The following GRID2 variants were observed in gnomAD, a reference collection of about 807,000 sequenced individuals.
GRID2 encodes the protein glutamate ionotropic receptor delta type subunit 2.
Under a neutral mutation model 114.8 loss-of-function variants are expected in GRID2, and 33 were observed. The observed-to-expected ratio is 0.29, with a 90% CI of 0.22 to 0.38. The LOEUF (loss-of-function observed/expected upper bound fraction) is 0.38, where lower values mean the gene tolerates loss of function less well. Ranked by LOEUF, GRID2 falls within the 10% of genes least tolerant of loss-of-function variation. GRID2 has a pLI of 1.00. For missense variants in GRID2, 1,184 were observed against 1,257.7 expected (o/e 0.94, Z 0.89); for synonymous variants, 505 against 449.9 (o/e 1.12, Z -1.55).
chr4:92,587,696 C>A (rs1049108659), intron 1 of GRID2, among the ~76,000 whole-genome samples: 2 of 152,104 alleles, frequency 1.3e-5, no homozygotes, highest in African/African-American at 2.4e-5. Flanking sequence ...TGAACTGTTT[C>A]TTTTATCCAT....
chr4:92,340,863 A>G (rs1360594575), intron 1 of GRID2, among the ~76,000 whole-genome samples: 1 of 152,148 alleles, frequency 6.6e-6, no homozygotes, highest in East Asian at 1.9e-4. Context: ...TTAAAATGGG[A>G]ACTTCTCTGT....
intron 2 of GRID2, among the ~76,000 whole-genome samples, chr4:93,027,905 ATAT>A (rs984431078): frequency 6.6e-6 from 1 of 152,076 alleles, no homozygotes; most frequent in Non-Finnish European, 1.5e-5. Flanking sequence ...ATAATCTAAA[ATAT>A]TATTTTATTG....
intron 2 of GRID2, among the ~76,000 whole-genome samples, chr4:92,756,429 T>G (rs2149342324): frequency 6.6e-6 from 1 of 152,274 alleles, no homozygotes; most frequent in African/African-American, 2.4e-5. Flanking sequence ...TTTGATACAT[T>G]GATTCTCTGT....
intron 9 of GRID2, among the ~76,000 whole-genome samples, chr4:93,412,757 C>A (rs1020453164): frequency 6.6e-6 from 1 of 151,996 alleles, no homozygotes. Flanking sequence ...TTGCCTACCC[C>A]ACTAACAGGC....
chr4:92,800,487 C>A (rs1363345729), intron 2 of GRID2, among the ~76,000 whole-genome samples: 1 of 151,820 alleles, frequency 6.6e-6, no homozygotes, highest in African/African-American at 2.4e-5. Context: ...AATAAAATAG[C>A]ACATATATCA....
At chr4:92,952,493 A>G (rs995110189) in intron 2 of GRID2, among the ~76,000 whole-genome samples, 1 of 152,136 alleles carries the variant, frequency 6.6e-6, no homozygotes, top group African/African-American at 2.4e-5. Flanking sequence ...AATATTTCAT[A>G]TTTTGTGCTT....
At chr4:92,412,353 G>A (rs916813775) in intron 1 of GRID2, among the ~76,000 whole-genome samples, 1 of 151,574 alleles carries the variant, frequency 6.6e-6, no homozygotes, top group Non-Finnish European at 1.5e-5. Context: ...TTACTTCTTT[G>A]CAATACACAT....
chr4:93,566,651 T>A (rs1735451934), intron 13 of GRID2, among the ~76,000 whole-genome samples: 1 of 151,996 alleles, frequency 6.6e-6, no homozygotes. Flanking sequence ...GCAGCTATAA[T>A]CCTAGCTACT....
intron 2 of GRID2, among the ~76,000 whole-genome samples, chr4:93,023,338 A>G (rs1723575710): frequency 6.6e-6 from 1 of 151,994 alleles, no homozygotes; most frequent in African/African-American, 2.4e-5. Context: ...TTTCAAGAAA[A>G]AAATATCATA....
chr4:93,383,618 T>C (rs1333034347), intron 8 of GRID2, among the ~76,000 whole-genome samples: 1 of 152,104 alleles, frequency 6.6e-6, no homozygotes, highest in African/African-American at 2.4e-5. Context: ...TTTCTAATCT[T>C]GTTTCTCTCC....
chr4:93,750,159 T>G (rs1047871077), intron 14 of GRID2, among the ~76,000 whole-genome samples: 1 of 152,206 alleles, frequency 6.6e-6, no homozygotes, highest in Admixed American at 6.5e-5. Context: ...CACCATTACC[T>G]GGCCTAAGGA....
intron 5 of GRID2, among the ~76,000 whole-genome samples, chr4:93,208,732 A>G (rs1295284805): frequency 6.6e-6 from 1 of 151,978 alleles, no homozygotes; most frequent in African/African-American, 2.4e-5. Flanking sequence ...TCTGCCAAAC[A>G]TTAGGTTTCT....
At chr4:92,437,717 A>G (rs1732805037) in intron 1 of GRID2, among the ~76,000 whole-genome samples, 1 of 152,260 alleles carries the variant, frequency 6.6e-6, no homozygotes, top group African/African-American at 2.4e-5. Context: ...TTACTCAGAC[A>G]TGAAAACACA....
At chr4:93,236,346 C>G (rs1717394941) in intron 7 of GRID2, among the ~76,000 whole-genome samples, 1 of 151,920 alleles carries the variant, frequency 6.6e-6, no homozygotes, top group Non-Finnish European at 1.5e-5. Context: ...TGCATGGCTC[C>G]CCAGGTTCTT....
chr4:92,585,500 G>A (rs1198082585), intron 1 of GRID2, among the ~76,000 whole-genome samples: 1 of 151,960 alleles, frequency 6.6e-6, no homozygotes, highest in Non-Finnish European at 1.5e-5. Flanking sequence ...AGTTTTTCTA[G>A]ATGATATGCT....
At chr4:93,693,038 T>G (rs1726703323) in intron 14 of GRID2, among the ~76,000 whole-genome samples, 2 of 152,190 alleles carry the variant, frequency 1.3e-5, no homozygotes, top group Non-Finnish European at 2.9e-5. Context: ...GATTGCCAGT[T>G]GAACTAAGAT....
At chr4:92,516,098 A>G (rs1211883263) in intron 1 of GRID2, among the ~76,000 whole-genome samples, 1 of 151,912 alleles carries the variant, frequency 6.6e-6, no homozygotes, top group Non-Finnish European at 1.5e-5. Context: ...TCTGTTCTTT[A>G]TAACTCAAAT....
intron 1 of GRID2, among the ~76,000 whole-genome samples, chr4:92,538,925 C>T (rs938395588): frequency 6.6e-6 from 1 of 151,720 alleles, no homozygotes; most frequent in African/African-American, 2.4e-5. Context: ...ACCTGTAGTC[C>T]CAGCTACTTG....
intron 8 of GRID2, among the ~76,000 whole-genome samples, chr4:93,287,617 A>G (rs984234641): frequency 3.9e-5 from 6 of 152,200 alleles, no homozygotes; most frequent in Non-Finnish European, 8.8e-5. Context: ...TAATGAAAGG[A>G]CAGTTGCTTC....
Sources: allele counts gnomAD v4.1 joint callset (sites outside exome capture counted in the v4.1 genomes callset), GRCh38; gene constraint gnomAD v4.1.1; transcripts MANE v1.5; gene names NCBI Gene and HGNC (gene_info 2026-07-23, HGNC 2026-07-21).